TEX101: variants seen among roughly 807,000 people sequenced by gnomAD.
TEX101 encodes testis-expressed protein 101.
In TEX101, 10 loss-of-function variants were observed where a neutral mutation model predicts 18.1. That is an observed-to-expected ratio of 0.55 (90% CI 0.34 to 0.94). The LOEUF (loss-of-function observed/expected upper bound fraction) is 0.94. TEX101 is among the 40% of genes least tolerant of loss of function. The pLI is 0.02. For synonymous variants in TEX101, 94 were observed against 114.8 expected (o/e 0.82, Z 1.16); for missense variants, 259 against 298.9 (o/e 0.87, Z 0.98).
chr19:43,402,097 G>C (rs1970323106), intron 1 of TEX101, among the ~76,000 whole-genome samples: 1 of 152,274 alleles, frequency 6.6e-6, no homozygotes, highest in Non-Finnish European at 1.5e-5. Flanking sequence ...CACGCAGTGT[G>C]AGGCAACACA....
the TEX101 span, among the ~76,000 whole-genome samples, chr19:43,392,946 TACTC>T: frequency 2.0e-5 from 3 of 151,966 alleles, no homozygotes; most frequent in Non-Finnish European, 2.9e-5. Context: ...TAATCCCAGT[TACTC>T]AGGAGGCTGA....
exon 3 of TEX101, chr19:43,406,464 G>A: frequency 1.3e-6 from 1 of 769,738 alleles, no homozygotes; most frequent in Non-Finnish European, 2.4e-6. Context: ...GACAGGAGAG[G>A]GGGATCGGTG....
upstream of TEX101, among the ~76,000 whole-genome samples, chr19:43,400,907 G>C (rs1243804408): frequency 6.6e-6 from 1 of 151,978 alleles, no homozygotes; most frequent in African/African-American, 2.4e-5. Context: ...CTTTCAAAAA[G>C]CATAGGCAAA....
intron 2 of TEX101, among the ~76,000 whole-genome samples, chr19:43,403,306 T>C (rs1000866572): frequency 2.0e-5 from 3 of 152,212 alleles, no homozygotes; most frequent in Admixed American, 6.5e-5. Context: ...TTCTAAATAC[T>C]GTGTGCGGCA....
Position 43,418,484 on chromosome 19 carries a change from TG to T in TEX101, c.*90del. 1.8e-6 allele frequency: 2 copies of T among 1,114,332 alleles called. No homozygotes were observed. Among genetic ancestry groups the T allele is most frequent in the Non-Finnish European group, 2.6e-6 (2 of 765,774 alleles). The allele number at this position is 1,114,332 out of a possible 1,614,324, so 69.0% of individuals were successfully genotyped here. A position where few individuals can be genotyped will look rare whatever the true frequency, so the allele number is the denominator to read the frequency against. On this transcript the variant is annotated 3_prime_UTR_variant, in exon 6 of 6. Coordinates refer to ENST00000598265, the MANE Select transcript of TEX101 (RefSeq NM_001130011.3). ...GAGGTTCAACAAGCTGAGGAGTAGA[TG>T]GGAATTTGAGGGAGAATACAGAGAT...
the TEX101 span, among the ~76,000 whole-genome samples, chr19:43,388,916 T>C: frequency 6.6e-6 from 1 of 152,134 alleles, no homozygotes; most frequent in Admixed American, 6.5e-5. Context: ...CCACCTTCTC[T>C]GAAGCTACTT....
At chr19:43,410,579 A>G (rs962873983), upstream of TEX101, among the ~76,000 whole-genome samples, 1 of 152,026 alleles carries the variant, frequency 6.6e-6, no homozygotes, top group Non-Finnish European at 1.5e-5. Context: ...TCATTTCTGG[A>G]TCTAAGAGAC....
chr19:43,391,841 G>A, the TEX101 span, among the ~76,000 whole-genome samples: 1 of 152,224 alleles, frequency 6.6e-6, no homozygotes, highest in Non-Finnish European at 1.5e-5. Context: ...AAGTACACTG[G>A]TTAGTCAGCA....
At position 43,416,458 on chromosome 19, in the gene TEX101, C is replaced by T. The variant is rs756241233; in HGVS notation, c.294C>T (p.Pro98=). ...CAATTGTCCAGCACTCTTCACCTCC[C>T]GGCCTGATCGTGACCTCCTACAGTA... ...AITIVQHSSP[P]GLIVTSYSNY... The change falls in exon 4 of 6, where the codon CCC becomes CCT. Residue 98 remains proline, a synonymous_variant. Transcript: ENST00000598265. The T allele has an allele frequency of 3.5e-5, 57 of 1,614,056 alleles. No individual in the cohort carries two copies. Among genetic ancestry groups the T allele is most frequent in the Admixed American group, 8.3e-5 (5 of 60,006 alleles).
In TEX101 at chr19:43,414,903, G is replaced by A; in HGVS notation, c.-175G>A. ...GCCTTGCGTCGTAAGAGAATGCCAA[G>A]CCCGGGGAGAAGGCGTTCCGGGCCT... is the stretch of plus-strand genomic sequence containing the variant. On this transcript the variant is annotated 5_prime_UTR_variant, in exon 1 of 6. Coordinates refer to ENST00000598265, the MANE Select transcript of TEX101 (RefSeq NM_001130011.3). 1.0e-6 allele frequency: 1 copy of A among 985,482 alleles called. No individual in the cohort carries two copies. Among genetic ancestry groups the A allele is most frequent in the South Asian group, 4.7e-5 (1 of 21,286 alleles). The allele number at this position is 985,482 out of a possible 1,614,324, so 61.0% of individuals were successfully genotyped here.
At chr19:43,404,899 T>C (rs1970347965) in intron 2 of TEX101, among the ~76,000 whole-genome samples, 1 of 152,076 alleles carries the variant, frequency 6.6e-6, no homozygotes, top group South Asian at 2.1e-4. Context: ...AGACACTTCA[T>C]CAACAGCTGA....
Position 43,418,493 on chromosome 19 carries a change from G to A in TEX101, c.*96G>A. ...CAAGCTGAGGAGTAGATGGGAATTT[G>A]AGGGAGAATACAGAGATACTATGAA... On this transcript the variant is annotated 3_prime_UTR_variant, in exon 6 of 6. Coordinates refer to ENST00000598265, the MANE Select transcript of TEX101 (RefSeq NM_001130011.3). 9.1e-6 allele frequency: 9 copies of A among 987,600 alleles called. No homozygotes were observed. The highest frequency in any genetic ancestry group is 1.4e-5 in the Non-Finnish European group (9 of 655,782). The allele number at this position is 987,600 out of a possible 1,614,324, so 61.2% of individuals were successfully genotyped here. A position where few individuals can be genotyped will look rare whatever the true frequency, so the allele number is the denominator to read the frequency against.
At chr19:43,408,078 G>A (rs1970385064) in intron 3 of TEX101, among the ~76,000 whole-genome samples, 1 of 152,202 alleles carries the variant, frequency 6.6e-6, no homozygotes, top group African/African-American at 2.4e-5. Context: ...GGTCTCCCGC[G>A]TCCCCATACC....
upstream of TEX101, among the ~76,000 whole-genome samples, chr19:43,413,771 G>A (rs796762287): frequency 3.2e-4 from 48 of 151,904 alleles, no homozygotes; most frequent in African/African-American, 1.1e-3. Flanking sequence ...TGGTCAACAC[G>A]GCGAAACCCC....
At chr19:43,417,452 C>T (rs1251924268) in intron 4 of TEX101, among the ~76,000 whole-genome samples, 1 of 152,218 alleles carries the variant, frequency 6.6e-6, no homozygotes, top group Non-Finnish European at 1.5e-5. Flanking sequence ...TTACTACCCT[C>T]CCCACCCCAT....
At position 43,416,190 on chromosome 19, in the gene TEX101, G is replaced by A; in HGVS notation, c.156G>A (p.Glu52=). ...TTAACTGGACCACAGAGGAAGTGGA[G>A]ACTTGTGACAAAGGGGCACTTTGCC... ...NMFNWTTEEV[E]TCDKGALCQE... is the part of the protein sequence containing the mutation. The change falls in exon 3 of 6, where the codon GAG becomes GAA. Residue 52 remains glutamate (E), a synonymous_variant. Coordinates refer to ENST00000598265, the MANE Select transcript of TEX101 (RefSeq NM_001130011.3). The A allele has an allele frequency of 1.2e-6, 2 of 1,613,858 alleles. No individual in the cohort carries two copies. Among genetic ancestry groups the A allele is most frequent in the Non-Finnish European group, 1.7e-6 (2 of 1,179,916 alleles).
the TEX101 span, among the ~76,000 whole-genome samples, chr19:43,391,117 T>C: frequency 6.6e-6 from 1 of 152,242 alleles, no homozygotes; most frequent in African/African-American, 2.4e-5. Flanking sequence ...TTTGTACATA[T>C]AGACCACGTT....
At chr19:43,397,352 A>G (rs972685857), upstream of TEX101, among the ~76,000 whole-genome samples, 8 of 152,022 alleles carry the variant, frequency 5.3e-5, no homozygotes, top group Admixed American at 2.6e-4. Context: ...GGTGTCTTTC[A>G]TCTACTCTTT....
At chr19:43,393,584 T>C in the TEX101 span, among the ~76,000 whole-genome samples, 10 of 150,280 alleles carry the variant, frequency 6.7e-5, no homozygotes, top group African/African-American at 2.5e-4. Context: ...TTCCAGTACT[T>C]ACAGCAGTCA....
Sources: gnomAD v4.1 joint callset for allele counts (sites outside exome capture counted in the v4.1 genomes callset) on GRCh38, gnomAD v4.1.1 for gene constraint, MANE v1.5 for transcripts, NCBI Gene and HGNC (gene_info 2026-07-23, HGNC 2026-07-21) for gene names.